USP43: variants seen among roughly 807,000 people sequenced by gnomAD.
USP43 encodes the protein ubiquitin specific peptidase 43, also known as ubiquitin carboxyl-terminal hydrolase 43.
A neutral mutation model predicts 90.7 loss-of-function variants in USP43; 33 were observed. The ratio of observed to expected loss-of-function variants is 0.36; its 90% CI spans 0.28 to 0.49. The LOEUF (loss-of-function observed/expected upper bound fraction) is 0.49, where lower values mean the gene tolerates loss of function less well. Ranked by LOEUF, USP43 falls within the 20% of genes least tolerant of loss-of-function variation. USP43 has a pLI of 0.98. For synonymous variants in USP43, 598 were observed against 615.8 expected, an observed-to-expected ratio of 0.97 and a Z score of 0.43; for missense variants, 1,274 against 1,476.4, an observed-to-expected ratio of 0.86 and a Z score of 2.25.
chr17:9,704,928 A>G lies in USP43; in HGVS notation c.2011+3228A>G, dbSNP rs73977009. ...TTATTTGCTTCTTGGAAGTGTGATA[A>G]TTCTACCACATTTCAGATTTTTAGA... On this transcript the variant is annotated intron_variant, in intron 12 of 14. Transcript: ENST00000285199. Among the ~76,000 whole-genome samples, 280 of 152,282 alleles carry G rather than the reference A, an allele frequency of 1.8e-3. 4 individuals carry two copies. The Middle Eastern group carries it at 0.024, about 13-fold the overall frequency.
In USP43 at chr17:9,693,139, C is replaced by T. The variant is rs370490362; in HGVS notation, c.1366C>T (p.Leu456=). The change falls in exon 9 of 15, where the codon CTG becomes TTG. Residue 456 remains leucine, a synonymous_variant. Transcript: ENST00000285199. Reference sequence around the variant, plus strand: ...TTTGTCTTCGCAGAACCTGGGGTCTCTGTTCTCCATCCGTGTTGTGGGACT... The same window carrying T: ...TTTGTCTTCGCAGAACCTGGGGTCTTTGTTCTCCATCCGTGTTGTGGGACT... The part of the protein sequence containing the change: ...SEAPVQNLGS[L]FSIRVVGLSV... 1.2e-6 allele frequency: 2 copies of T among 1,613,448 alleles called. No homozygotes were observed. Among genetic ancestry groups the T allele is most frequent in the African/African-American group, 2.7e-5 (2 of 74,862 alleles).
rs1034959151 is a variant in USP43 at position 9,669,066 on chromosome 17, G to T, written c.740+2315G>T. Among the ~76,000 whole-genome samples, 23 of 151,330 alleles carry T rather than the reference G, an allele frequency of 1.5e-4. 1 individual carries two copies. Among genetic ancestry groups the T allele is most frequent in the Admixed American group, 1.5e-3 (23 of 15,166 alleles). On this transcript the variant is annotated intron_variant, in intron 3 of 14. Coordinates refer to ENST00000285199, the MANE Select transcript of USP43 (RefSeq NM_153210.5). ...TTACCATGTTGGTCAGGCTGGTCTCGAACTCCTGACCTTGTGATCCACCTG... is the reference window on the plus strand; with the variant it reads ...TTACCATGTTGGTCAGGCTGGTCTCTAACTCCTGACCTTGTGATCCACCTG...
At chr17:9,653,543 G>A (rs934554308) in intron 1 of USP43, among the ~76,000 whole-genome samples, 3 of 151,794 alleles carry the variant, frequency 2.0e-5, no homozygotes, top group African/African-American at 4.8e-5. Context: ...AGCCAAGGTC[G>A]TGCCATTGCA....
At chr17:9,666,537 C>G in intron 2 of USP43, 111 bp from the exon 3 acceptor site, 3 of 822,410 alleles carry the variant, frequency 3.6e-6, no homozygotes, top group Non-Finnish European at 5.9e-6. Flanking sequence ...TCTACAGAGG[C>G]CCAGAAAGGG....
chr17:9,713,069 G>T (rs187665641), intron 14 of USP43, among the ~76,000 whole-genome samples: 2 of 152,074 alleles, frequency 1.3e-5, no homozygotes, highest in Admixed American at 1.3e-4. Flanking sequence ...TTAAACATGA[G>T]AACTTATTTT....
chr17:9,723,338 C>A (rs1013142966), intron 14 of USP43, among the ~76,000 whole-genome samples: 3 of 151,968 alleles, frequency 2.0e-5, no homozygotes, highest in South Asian at 2.1e-4. Flanking sequence ...CTTGGGGGTG[C>A]CTTTTGTTCT....
chr17:9,645,679 C>T lies in USP43; in HGVS notation c.47C>T (p.Pro16Leu). The part of the protein sequence containing the change: ...GDAAGGGPLA[P>L]RPRRRRSLRR... ...GCGGCAGGAGGGGGACCGCTCGCGC[C>T]CCGGCCCCGCCGCCGCCGCTCCCTG... The change falls in exon 1 of 15, where the codon CCC becomes CTC. Residue 16 changes from proline (P) to leucine (L), a missense_variant. Transcript: ENST00000285199. The surrounding 1 kb of genome is among the most constrained non-coding windows in gnomAD (Gnocchi z 6.8). 7.8e-7 allele frequency: 1 copy of T among 1,283,724 alleles called. No homozygotes were observed. The highest frequency in any genetic ancestry group is 9.8e-7 in the Non-Finnish European group (1 of 1,021,680). 79.5% of individuals were successfully genotyped at this position (1,283,724 alleles called of 1,614,324 possible). A position where few individuals can be genotyped will look rare whatever the true frequency, so the allele number is the denominator to read the frequency against.
At position 9,727,755 on chromosome 17, in the gene USP43, G is replaced by A. The variant is rs114361972; in HGVS notation, c.2336-199G>A. Reference sequence around the variant, plus strand: ...ACTGGCTTACCCTGTGGCTTCAAACGTGTAAGTGGATATTGAGGAAGAGTG... The same window carrying A: ...ACTGGCTTACCCTGTGGCTTCAAACATGTAAGTGGATATTGAGGAAGAGTG... On this transcript the variant is annotated intron_variant, in intron 14 of 14. Transcript: ENST00000285199. 6.8e-3 allele frequency among the ~76,000 whole-genome samples: 1,031 copies of A among 152,254 alleles called. 12 individuals carry two copies. Among genetic ancestry groups the A allele is most frequent in the African/African-American group, 0.024 (983 of 41,556 alleles).
rs1914611096 is a variant in USP43 at position 9,686,663 on chromosome 17, G to T, written c.1242-135G>T. 12 of 653,018 alleles carry T rather than the reference G, an allele frequency of 1.8e-5. No individual in the cohort carries two copies. Among genetic ancestry groups the T allele is most frequent in the Admixed American group, 5.8e-5 (2 of 34,270 alleles). The allele number at this position is 653,018 out of a possible 1,614,324, so 40.5% of individuals were successfully genotyped here. A position where few individuals can be genotyped will look rare whatever the true frequency, so the allele number is the denominator to read the frequency against. ...TAAATGGGATTCTTTGGTTTTTTTT[G>T]CTGTTGAGTTTTTGTGCTTAGCTCT... On this transcript the variant is annotated intron_variant, in intron 7 of 14. Transcript: ENST00000285199. The surrounding 1 kb of genome is among the most constrained non-coding windows in gnomAD (Gnocchi z 5.5).
intron 5 of USP43, among the ~76,000 whole-genome samples, chr17:9,679,347 T>C (rs1370421932): frequency 6.9e-6 from 1 of 145,592 alleles, no homozygotes; most frequent in Non-Finnish European, 1.5e-5. Context: ...GACTACAGGC[T>C]CATGCCACCA....
Position 9,688,334 on chromosome 17 carries a change from T to C in USP43, c.1353+1425T>C, listed in dbSNP as rs554625959. On this transcript the variant is annotated intron_variant, in intron 8 of 14. Coordinates refer to ENST00000285199, the MANE Select transcript of USP43 (RefSeq NM_153210.5). ...GCATTTAACTCAGCCATCCTTACTC[T>C]TACCTGCTCACACTCCTGTCCTGTT... Among the ~76,000 whole-genome samples the C allele has an allele frequency of 2.0e-5, 3 of 147,496 alleles. No homozygotes were observed. In the East Asian group the frequency reaches 6.2e-4, roughly 31 times the overall value.
At chr17:9,659,394 C>T (rs1912487702) in intron 2 of USP43, among the ~76,000 whole-genome samples, 2 of 152,134 alleles carry the variant, frequency 1.3e-5, no homozygotes, top group South Asian at 4.1e-4. Flanking sequence ...TTAAGTTGCT[C>T]AAGGTCACTC....
chr17:9,681,223 A>T (rs9902538), intron 6 of USP43, among the ~76,000 whole-genome samples: 808 of 67,052 alleles, frequency 0.012, 135 homozygotes, highest in African/African-American at 0.058. Context: ...CATTATATAG[A>T]ATATATTATA....
chr17:9,703,085 A>T (rs956476287), intron 12 of USP43, among the ~76,000 whole-genome samples: 3 of 152,082 alleles, frequency 2.0e-5, no homozygotes, highest in African/African-American at 7.2e-5. Context: ...CTGTCCAGCC[A>T]CTTCCCCTGT....
chr17:9,691,857 T>C (rs111889272), intron 8 of USP43, among the ~76,000 whole-genome samples: 6,147 of 151,218 alleles, frequency 0.041, 396 homozygotes, highest in African/African-American at 0.14. Context: ...CTGGCTAACA[T>C]GGTGAAACCC....
intron 10 of USP43, among the ~76,000 whole-genome samples, chr17:9,700,460 G>T (rs113650268): frequency 1.3e-5 from 2 of 152,162 alleles, no homozygotes; most frequent in Admixed American, 1.3e-4. Flanking sequence ...TGGTGGTGGT[G>T]GTGGGTGATG....
intron 8 of USP43, among the ~76,000 whole-genome samples, chr17:9,690,868 G>A (rs999498369): frequency 6.6e-6 from 1 of 152,116 alleles, no homozygotes; most frequent in Non-Finnish European, 1.5e-5. Flanking sequence ...CTGGGTGACA[G>A]AGCAAGACTG....
chr17:9,682,961 A>G lies in USP43; in HGVS notation c.1241+3A>G. 6.2e-7 allele frequency: 1 copy of G among 1,612,494 alleles called. No homozygotes were observed. The highest frequency in any genetic ancestry group is 8.5e-7 in the Non-Finnish European group (1 of 1,178,848). On this transcript the variant is annotated splice_donor_region_variant and intron_variant, in intron 7 of 14. Transcript: ENST00000285199. ...GGGTCAGGGCAGCAGGCTAGCAGGT[A>G]TGTTTCACTTTATTCTTTTTTCATG...
Position 9,666,673 on chromosome 17 carries a change from C to T in USP43, c.662C>T (p.Ser221Phe), listed in dbSNP as rs1206922779. 5 of 1,613,220 alleles carry T rather than the reference C, an allele frequency of 3.1e-6. No individual in the cohort carries two copies. In the African/African-American group the frequency reaches 5.3e-5, roughly 17 times the overall value. ...CTTCCGCCTGAAGCCACTAAAACCT[C>T]TGAGAACTGCCTGTCACCATCAGCT... Reference protein sequence around the residue: ...EKLPPEATKTSENCLSPSAQL... With the variant: ...EKLPPEATKTFENCLSPSAQL... The change falls in exon 3 of 15, where the codon TCT becomes TTT. Residue 221 changes from serine (S) to phenylalanine (F), a missense_variant. Physicochemically the swap from Ser to Phe is radical, Grantham distance 155. This residue lies in a region of USP43 where 259 missense variants were observed against 373.7 expected (regional missense o/e 0.69). Coordinates refer to ENST00000285199, the MANE Select transcript of USP43 (RefSeq NM_153210.5).
Sources: allele counts gnomAD v4.1 joint callset (sites outside exome capture counted in the v4.1 genomes callset), GRCh38; gene constraint gnomAD v4.1.1; regional missense constraint gnomAD v4.1.1; non-coding constraint Gnocchi (gnomAD v3.1); transcripts MANE v1.5; gene names NCBI Gene and HGNC (gene_info 2026-07-23, HGNC 2026-07-21).